Variants in ANK2 observed in about 807,000 individuals in gnomAD.
ANK2 encodes ankyrin-2.
In ANK2, 83 loss-of-function variants were observed where a neutral mutation model predicts 360.5. The ratio of observed to expected loss-of-function variants is 0.23; its 90% CI spans 0.19 to 0.28. The LOEUF is 0.28. ANK2 is among the 10% of genes least tolerant of loss of function. The pLI, the probability that ANK2 is intolerant of heterozygous loss-of-function variation, is 1.00. For synonymous variants in ANK2, 1,740 were observed against 1,759.5 expected (o/e 0.99, Z 0.28); for missense variants, 4,201 against 4,795.7 (o/e 0.88, Z 3.66).
intron 4 of ANK2, among the ~76,000 whole-genome samples, chr4:113,231,242 C>T (rs1243845392): frequency 1.3e-5 from 2 of 151,582 alleles, no homozygotes; most frequent in African/African-American, 4.8e-5. Context: ...TTAGTAGAGA[C>T]AGGGTTTCAC....
At chr4:113,291,784 A>G (rs1343694079) in intron 20 of ANK2, among the ~76,000 whole-genome samples, 2 of 152,236 alleles carry the variant, frequency 1.3e-5, no homozygotes, top group African/African-American at 4.8e-5. Context: ...AGTCTTCTGC[A>G]CAGGATCTGA....
chr4:113,084,068 A>G (rs1003918426), intron 1 of ANK2, among the ~76,000 whole-genome samples: 1 of 152,216 alleles, frequency 6.6e-6, no homozygotes, highest in Non-Finnish European at 1.5e-5. Flanking sequence ...ATCTTGATAG[A>G]GACTGCTTCT....
At chr4:112,860,309 C>T (rs951547336) in intron 1 of ANK2, among the ~76,000 whole-genome samples, 1 of 152,122 alleles carries the variant, frequency 6.6e-6, no homozygotes, top group African/African-American at 2.4e-5. Context: ...TCACTGCAAC[C>T]TCCGCCTCCC....
chr4:113,261,715 C>T (rs1236105438), intron 13 of ANK2, among the ~76,000 whole-genome samples: 4 of 151,908 alleles, frequency 2.6e-5, no homozygotes, highest in Admixed American at 2.6e-4. Flanking sequence ...TATACATAAC[C>T]TTTGTTTGAA....
chr4:113,186,339 G>A (rs1435686157), intron 2 of ANK2, among the ~76,000 whole-genome samples: 1 of 152,056 alleles, frequency 6.6e-6, no homozygotes, highest in Admixed American at 6.5e-5. Flanking sequence ...CTAACAAACA[G>A]AAAGGAATAG....
intron 1 of ANK2, among the ~76,000 whole-genome samples, chr4:113,107,505 C>T (rs2093776245): frequency 6.6e-6 from 1 of 152,182 alleles, no homozygotes; most frequent in Non-Finnish European, 1.5e-5. Flanking sequence ...GCATGAGCCA[C>T]CGCGCCCAGC....
At chr4:113,241,364 G>T (rs1479596277) in intron 8 of ANK2, among the ~76,000 whole-genome samples, 1 of 152,160 alleles carries the variant, frequency 6.6e-6, no homozygotes, top group Non-Finnish European at 1.5e-5. Context: ...TAGAGACAGG[G>T]TCTGGCTCTG....
the ANK2 span, among the ~76,000 whole-genome samples, chr4:112,737,134 G>A: frequency 9.2e-5 from 14 of 152,024 alleles, no homozygotes; most frequent in African/African-American, 2.9e-4. Context: ...TATAAATTGG[G>A]GATAATATGT....
intron 1 of ANK2, among the ~76,000 whole-genome samples, chr4:112,834,769 A>G (rs1357195384): frequency 6.6e-6 from 1 of 152,224 alleles, no homozygotes; most frequent in African/African-American, 2.4e-5. Flanking sequence ...TTAGGTCCAC[A>G]TATGGCATGT....
chr4:112,803,921 T>C, the ANK2 span, among the ~76,000 whole-genome samples: 4 of 152,232 alleles, frequency 2.6e-5, no homozygotes, highest in Non-Finnish European at 4.4e-5. Context: ...TGAAGCCCTT[T>C]ATAGCCAAAT....
chr4:113,381,782 T>C lies in ANK2; in HGVS notation c.*311T>C, dbSNP rs1405917783. 2 of 860,440 alleles carry C rather than the reference T, an allele frequency of 2.3e-6. No homozygotes were observed. Among genetic ancestry groups the C allele is most frequent in the South Asian group, 1.7e-5 (1 of 59,798 alleles). The allele number at this position is 860,440 out of a possible 1,614,324, so 53.3% of individuals were successfully genotyped here. A position where few individuals can be genotyped will look rare whatever the true frequency, so the allele number is the denominator to read the frequency against. ...TTAGCAAATATACGGCATTTTGCTT[T>C]AGTTTTCCCCCATCCTCTTTAACTA... is the stretch of plus-strand genomic sequence containing the variant. On this transcript the variant is annotated 3_prime_UTR_variant, in exon 46 of 46. Coordinates refer to ENST00000357077, the MANE Select transcript of ANK2 (RefSeq NM_001148.6).
At chr4:113,086,219 T>A (rs980542306) in intron 1 of ANK2, among the ~76,000 whole-genome samples, 1 of 152,228 alleles carries the variant, frequency 6.6e-6, no homozygotes, top group African/African-American at 2.4e-5. Flanking sequence ...GCCTGCCTTT[T>A]AAATGTAACT....
At chr4:113,359,350 T>C (rs374617969) in intron 38 of ANK2, 51 bp downstream of exon 38, 1 of 1,605,654 alleles carries the variant, frequency 6.2e-7, no homozygotes, top group Non-Finnish European at 8.5e-7. Flanking sequence ...ATAAAATTGA[T>C]ATAGTTTTTT....
At chr4:113,097,860 G>A (rs796534775) in intron 1 of ANK2, among the ~76,000 whole-genome samples, 2,320 of 54,242 alleles carry the variant, frequency 0.043, 56 homozygotes, top group East Asian at 0.25. Context: ...GTGTGTGTGT[G>A]TGTGTGTATA....
chr4:113,098,670 C>T (rs2092174187), intron 1 of ANK2, among the ~76,000 whole-genome samples: 1 of 151,934 alleles, frequency 6.6e-6, no homozygotes, highest in African/African-American at 2.4e-5. Flanking sequence ...CAGAATACTT[C>T]CTAGTTAATC....
At chr4:112,822,701 G>A (rs1213774604) in intron 1 of ANK2, among the ~76,000 whole-genome samples, 1 of 149,012 alleles carries the variant, frequency 6.7e-6, no homozygotes, top group Non-Finnish European at 1.5e-5. Context: ...AGCAAAGATC[G>A]CAACCTGCAC....
upstream of ANK2, among the ~76,000 whole-genome samples, chr4:113,045,881 G>A (rs1229672589): frequency 1.3e-5 from 2 of 152,112 alleles, no homozygotes; most frequent in Non-Finnish European, 1.5e-5. Flanking sequence ...ATGTCTAATT[G>A]TAAATAAAAA....
At chr4:112,730,424 T>C in the ANK2 span, among the ~76,000 whole-genome samples, 8 of 148,518 alleles carry the variant, frequency 5.4e-5, no homozygotes, top group Non-Finnish European at 8.9e-5. Flanking sequence ...TTGCCTGAGG[T>C]CAGGAGTTCA....
At chr4:112,775,542 C>CACACACACACAT in the ANK2 span, among the ~76,000 whole-genome samples, 3 of 151,726 alleles carry the variant, frequency 2.0e-5, no homozygotes, top group Non-Finnish European at 4.4e-5. Context: ...CACACACACA[C>CACACACACACAT]ACAAGAAAAA....
Sources: gnomAD v4.1 joint callset for allele counts (sites outside exome capture counted in the v4.1 genomes callset) on GRCh38, gnomAD v4.1.1 for gene constraint, MANE v1.5 for transcripts, NCBI Gene and HGNC (gene_info 2026-07-23, HGNC 2026-07-21) for gene names.